The following RAD52 variants were observed in gnomAD, a reference collection of about 807,000 sequenced individuals.
The protein encoded by RAD52 is RAD52 DNA repair protein.
A neutral mutation model predicts 55.5 loss-of-function variants in RAD52; 47 were observed. The ratio of observed to expected loss-of-function variants is 0.85; its 90% confidence interval spans 0.67 to 1.08. The LOEUF is 1.08. Among genes scored for constraint, RAD52 ranks in the 50% least tolerant of loss-of-function variants. The pLI, the probability that RAD52 is intolerant of heterozygous loss-of-function variation, is 0.00. For synonymous variants in RAD52, 184 were observed against 198.9 expected (o/e 0.92, Z 0.63); for missense variants, 468 against 522.8 (o/e 0.90, Z 1.02).
intron 5 of RAD52, 140 bp from the exon 6 acceptor site, chr12:927,403 G>T (rs1957098400): frequency 1.7e-5 from 12 of 694,252 alleles, no homozygotes; most frequent in Non-Finnish European, 2.8e-5. Context: ...AGAAGGCTGG[G>T]TGAGAATCCA....
chr12:965,899 T>C (rs532552687), intron 1 of RAD52, among the ~76,000 whole-genome samples: 2 of 152,104 alleles, frequency 1.3e-5, no homozygotes, highest in African/African-American at 2.4e-5. Context: ...TTGGCCAGGC[T>C]GATCTCGAAC....
At chr12:926,830 G>C (rs1018756401) in intron 6 of RAD52, 1 of 1,536,788 alleles carries the variant, frequency 6.5e-7, no homozygotes, top group African/African-American at 1.4e-5. Flanking sequence ...GGAGCACGGA[G>C]AGGAGGGTGC....
At position 916,421 on chromosome 12, in the gene RAD52, T is replaced by A. The variant is rs1279014932; in HGVS notation, c.788A>T (p.Gln263Leu). The A allele has an allele frequency of 1.3e-5, 21 of 1,608,492 alleles. No homozygotes were observed. Among genetic ancestry groups the A allele is most frequent in the Non-Finnish European group, 1.7e-5 (20 of 1,179,436 alleles). Residue 263 changes from glutamine (Q) to leucine (L), a missense_variant, in exon 9 of 12, where the codon CAG becomes CTG. Transcript: ENST00000358495. ...ATHQRKLRQKQLQQQFRERME... is the reference protein window; with the variant it reads ...ATHQRKLRQKLLQQQFRERME... ...CCGCTCCCGGAACTGCTGCTGCAGC[T>A]GCTTCTGCCGGAGCTTCCGCTGGTG... is the stretch of plus-strand genomic sequence containing the variant.
chr12:932,495 GA>G (rs977400706), intron 2 of RAD52, among the ~76,000 whole-genome samples: 3 of 146,254 alleles, frequency 2.1e-5, no homozygotes, highest in Non-Finnish European at 3.0e-5. Context: ...ACTCAGTCTC[GA>G]AAAAAAAAAG....
intron 1 of RAD52, among the ~76,000 whole-genome samples, chr12:982,141 C>T (rs1959025551): frequency 6.6e-6 from 1 of 152,214 alleles, no homozygotes; most frequent in African/African-American, 2.4e-5. Context: ...TGTTCACAGC[C>T]AGATAACTCT....
chr12:940,539 G>A (rs535507989), intron 1 of RAD52, among the ~76,000 whole-genome samples: 2 of 152,200 alleles, frequency 1.3e-5, no homozygotes, highest in South Asian at 4.1e-4. Flanking sequence ...AGAGGTAGCA[G>A]TGAGCAGAGG....
chr12:959,593 A>G (rs969350956), intron 1 of RAD52, among the ~76,000 whole-genome samples: 1 of 152,226 alleles, frequency 6.6e-6, no homozygotes, highest in Non-Finnish European at 1.5e-5. Context: ...TCGTACATTT[A>G]AATTTTCAAA....
In RAD52 at chr12:962,657, A is replaced by AT. The variant is rs563204349; in HGVS notation, c.-19+27151dup. Among the ~76,000 whole-genome samples the AT allele has an allele frequency of 4.5e-4, 68 of 151,894 alleles. No individual in the cohort carries two copies. In the East Asian group the frequency reaches 9.7e-3, roughly 22 times the overall value. On this transcript the variant is annotated intron_variant, in intron 1 of 11. Transcript: ENST00000430095. ...CCACTGCACCTGGCCCAAGGAAGAC[A>AT]TTTTTTAAGACAGATATTTGAGTAT...
chr12:936,581 C>T (rs1957644888), intron 1 of RAD52, among the ~76,000 whole-genome samples: 1 of 151,930 alleles, frequency 6.6e-6, no homozygotes, highest in Non-Finnish European at 1.5e-5. Context: ...TAACCTTGAC[C>T]TCCAGGGCTC....
chr12:943,935 G>T (rs1405504653), intron 1 of RAD52, among the ~76,000 whole-genome samples: 1 of 152,078 alleles, frequency 6.6e-6, no homozygotes, highest in Admixed American at 6.6e-5. Context: ...GGCGGGGCCC[G>T]CTGGGTGCAG....
rs1008124588 is a variant in RAD52 at position 912,847 on chromosome 12, A to C, written c.*544T>G. On this transcript the variant is annotated 3_prime_UTR_variant, in exon 12 of 12. Transcript: ENST00000358495. ...AGGATTGTAATGTCATAAATCCATAAATTATTTATATTAAATGAAGATTGT... is the reference window on the plus strand; with the variant it reads ...AGGATTGTAATGTCATAAATCCATACATTATTTATATTAAATGAAGATTGT... The C allele has an allele frequency of 5.2e-6, 1 of 193,912 alleles. No homozygotes were observed. Among genetic ancestry groups the C allele is most frequent in the African/African-American group, 2.3e-5 (1 of 43,190 alleles). 12.0% of individuals were successfully genotyped at this position (193,912 alleles called of 1,614,324 possible).
At chr12:956,075 T>C (rs1188855449) in intron 1 of RAD52, among the ~76,000 whole-genome samples, 1 of 152,210 alleles carries the variant, frequency 6.6e-6, no homozygotes, top group Admixed American at 6.5e-5. Flanking sequence ...TGCCTGCTAC[T>C]CCCCTTCCTA....
chr12:986,802 C>T (rs1959091855), intron 1 of RAD52, among the ~76,000 whole-genome samples: 2 of 147,114 alleles, frequency 1.4e-5, no homozygotes, highest in Admixed American at 6.8e-5. Flanking sequence ...CTCTCTTTTC[C>T]GGGCGTTTTC....
At chr12:922,902 C>T (rs1956814105) in intron 7 of RAD52, among the ~76,000 whole-genome samples, 1 of 152,048 alleles carries the variant, frequency 6.6e-6, no homozygotes, top group Non-Finnish European at 1.5e-5. Flanking sequence ...GCAATCTTGG[C>T]TCACTGCAGC....
chr12:971,871 C>A (rs780430691), intron 1 of RAD52, among the ~76,000 whole-genome samples: 43 of 152,108 alleles, frequency 2.8e-4, no homozygotes, highest in Non-Finnish European at 5.1e-4. Flanking sequence ...GCCTCAGCCT[C>A]CCGAGTAGCT....
chr12:965,259 G>GA (rs1384010856), intron 1 of RAD52, among the ~76,000 whole-genome samples: 1 of 152,018 alleles, frequency 6.6e-6, no homozygotes, highest in Non-Finnish European at 1.5e-5. Context: ...TTACAGGCGT[G>GA]AGCCACTGTG....
At chr12:951,240 G>T (rs1276776169), upstream of RAD52, among the ~76,000 whole-genome samples, 1 of 152,042 alleles carries the variant, frequency 6.6e-6, no homozygotes, top group Non-Finnish European at 1.5e-5. Context: ...AGCTTCCCAG[G>T]TAGCTGGGAC....
chr12:931,401 TTA>T, intron 2 of RAD52, 80 bp from the exon 3 acceptor site: 1 of 1,070,446 alleles, frequency 9.3e-7, no homozygotes, highest in Non-Finnish European at 1.3e-6. Flanking sequence ...TATGGAGACT[TTA>T]TACTCTTAAA....
At position 933,093 on chromosome 12, in the gene RAD52, C is replaced by CG. The variant is rs1957424783; in HGVS notation, c.-18-18dup. 1 of 1,511,216 alleles carries CG rather than the reference C, an allele frequency of 6.6e-7. No individual in the cohort carries two copies. The highest frequency in any genetic ancestry group is 2.0e-5 in the Admixed American group (1 of 50,954). 93.6% of individuals were successfully genotyped at this position (1,511,216 alleles called of 1,614,324 possible). ...GGTTGACCTCTATATAAATAAAAAG[C>CG]GGAAAAAAAAAACAACCCTCAAAGA... On this transcript the variant is annotated splice_polypyrimidine_tract_variant and intron_variant, in intron 1 of 11. Transcript: ENST00000358495.
Sources: gnomAD v4.1 joint callset for allele counts (sites outside exome capture counted in the v4.1 genomes callset) on GRCh38, gnomAD v4.1.1 for gene constraint, MANE v1.5 for transcripts, NCBI Gene and HGNC (gene_info 2026-07-23, HGNC 2026-07-21) for gene names.